Variants in WDR45B observed in about 807,000 individuals in gnomAD.
The protein encoded by WDR45B is WD repeat domain phosphoinositide-interacting protein 3.
Under a neutral mutation model 44.6 loss-of-function variants are expected in WDR45B, and 20 were observed. That is an observed-to-expected ratio of 0.45 (90% CI 0.32 to 0.65). WDR45B has a LOEUF of 0.65. Ranked by LOEUF, WDR45B falls within the 30% of genes least tolerant of loss-of-function variation. The pLI is 0.05. For missense variants in WDR45B, 323 were observed against 430.2 expected (o/e 0.75, Z 2.20); for synonymous variants, 169 against 164.9 (o/e 1.02, Z -0.19).
At chr17:82,637,209 C>T (rs1035581167) in intron 2 of WDR45B, among the ~76,000 whole-genome samples, 2 of 151,914 alleles carry the variant, frequency 1.3e-5, no homozygotes, top group Non-Finnish European at 2.9e-5. Context: ...AGGATGTCAG[C>T]GTCTACATCT....
chr17:82,624,819 C>G (rs992939097), intron 5 of WDR45B, among the ~76,000 whole-genome samples: 1 of 150,336 alleles, frequency 6.7e-6, no homozygotes, highest in African/African-American at 2.5e-5. Flanking sequence ...AGGGTTTCAC[C>G]GTGTTAGCCA....
chr17:82,632,176 T>C (rs1319800095), intron 2 of WDR45B, among the ~76,000 whole-genome samples: 1 of 152,114 alleles, frequency 6.6e-6, no homozygotes, highest in African/African-American at 2.4e-5. Context: ...TCCTTTTTTT[T>C]TAAGAAACAG....
intron 2 of WDR45B, among the ~76,000 whole-genome samples, chr17:82,634,122 G>A (rs2045803332): frequency 1.8e-5 from 2 of 113,994 alleles, no homozygotes; most frequent in African/African-American, 3.5e-5. Flanking sequence ...CTGCACGCCA[G>A]CCTGGGTGAC....
chr17:82,643,077 A>G (rs1426912503), intron 2 of WDR45B, among the ~76,000 whole-genome samples: 2 of 152,182 alleles, frequency 1.3e-5, no homozygotes, highest in African/African-American at 2.4e-5. Context: ...TGTCTTACGC[A>G]CCCTGACTCA....
Position 82,625,497 on chromosome 17 carries a change from C to G in WDR45B, c.333-14G>C. On this transcript the variant is annotated splice_polypyrimidine_tract_variant and intron_variant, in intron 4 of 9. Coordinates refer to ENST00000392325, the MANE Select transcript of WDR45B (RefSeq NM_019613.4). ...ACCACCACAATTCTGGAAAGAAAAA[C>G]ATGATCAGAGTTGCTTTCCTCAAGA... 1 of 1,613,620 alleles carries G rather than the reference C, an allele frequency of 6.2e-7. No individual in the cohort carries two copies. Among genetic ancestry groups the G allele is most frequent in the Non-Finnish European group, 8.5e-7 (1 of 1,179,532 alleles).
intron 1 of WDR45B, 35 bp from the exon 2 acceptor site, chr17:82,644,058 A>C: frequency 6.2e-7 from 1 of 1,607,640 alleles, no homozygotes; most frequent in Non-Finnish European, 8.5e-7. Flanking sequence ...ATTAATCCCC[A>C]GGCCTGGAGT....
At chr17:82,617,615 A>T in intron 7 of WDR45B, 1 of 583,438 alleles carries the variant, frequency 1.7e-6, no homozygotes. Flanking sequence ...GTATCACGGC[A>T]AGTTTTCCTT....
rs1222364539 is a variant in WDR45B, at chr17:82,644,061, C to T, written c.68-38G>A. On this transcript the variant is annotated intron_variant, in intron 1 of 9. Transcript: ENST00000392325. The stretch of plus-strand genomic sequence containing the variant: ...TGTAAAAGAGACATTAATCCCCAGG[C>T]CTGGAGTGGTTAAAAGAAAGAGGTC... 3.1e-6 allele frequency: 5 copies of T among 1,605,374 alleles called. No individual in the cohort carries two copies. In the East Asian group the frequency reaches 8.9e-5, roughly 29 times the overall value.
rs768024248 is a variant in WDR45B, at chr17:82,621,778, T to C, written c.449A>G (p.Asn150Ser). 3.7e-6 allele frequency: 6 copies of C among 1,613,994 alleles called. No individual in the cohort carries two copies. The East Asian group carries it at 6.7e-5, about 18-fold the overall frequency. ...AAAGGCCAGGAGGGAGTTGTTACTA[T>C]TGGGACAAAGGACACAGAGGCCTGC... ...NPKGLCVLCP[N>S]SNNSLLAFPG... The change falls in exon 6 of 10, where the codon AAT (asparagine) becomes AGT (serine). Residue 150 changes from asparagine to serine, a missense_variant. Coordinates refer to ENST00000392325, the MANE Select transcript of WDR45B (RefSeq NM_019613.4).
rs386386786 is a variant in WDR45B at position 82,631,277 on chromosome 17, A to ATTTT, written c.143-259_143-256dup. On this transcript the variant is annotated intron_variant, in intron 2 of 9. Coordinates refer to ENST00000392325, the MANE Select transcript of WDR45B (RefSeq NM_019613.4). ...CCAAGTAGCTGGGAATACAGGACTC[A>ATTTT]TTTTTTTTTTTTTTTTTTTTTTTTG... is the stretch of plus-strand genomic sequence containing the variant. 9.1e-3 allele frequency among the ~76,000 whole-genome samples: 787 copies of ATTTT among 86,830 alleles called. 19 individuals are homozygous for ATTTT. Among genetic ancestry groups the ATTTT allele is most frequent in the South Asian group, 0.019 (42 of 2,232 alleles). The allele number at this position is 86,830 out of a possible 152,430, so 57.0% of individuals were successfully genotyped here. A position where few individuals can be genotyped will look rare whatever the true frequency, so the allele number is the denominator to read the frequency against.
chr17:82,622,722 ATT>A (rs79050085), intron 5 of WDR45B, among the ~76,000 whole-genome samples: 2 of 146,566 alleles, frequency 1.4e-5, no homozygotes, highest in African/African-American at 5.0e-5. Flanking sequence ...ATGACCAAAA[ATT>A]TTTTTTTTTT....
Position 82,617,514 on chromosome 17 carries a change from C to T in WDR45B, c.705-117G>A, listed in dbSNP as rs983553599. 5 of 991,466 alleles carry T rather than the reference C, an allele frequency of 5.0e-6. No homozygotes were observed. In the Admixed American group the frequency reaches 9.9e-5, roughly 20 times the overall value. The allele number at this position is 991,466 out of a possible 1,614,324, so 61.4% of individuals were successfully genotyped here. Reference sequence around the variant, plus strand: ...CTCAACATTCCCACTCTGGAGGTGCCAATTCTGAATACTGCCCTTTCTTTA... The same window carrying T: ...CTCAACATTCCCACTCTGGAGGTGCTAATTCTGAATACTGCCCTTTCTTTA... On this transcript the variant is annotated intron_variant, in intron 7 of 9. Transcript: ENST00000392325.
rs1333289733 is a variant in WDR45B at position 82,614,871 on chromosome 17, A to G, written c.*1048T>C. 6.6e-6 allele frequency: 1 copy of G among 152,236 alleles called. No individual in the cohort carries two copies. Among genetic ancestry groups the G allele is most frequent in the Non-Finnish European group, 1.5e-5 (1 of 68,046 alleles). 9.4% of individuals were successfully genotyped at this position (152,236 alleles called of 1,614,324 possible). On this transcript the variant is annotated 3_prime_UTR_variant, in exon 10 of 10. Coordinates refer to ENST00000392325, the MANE Select transcript of WDR45B (RefSeq NM_019613.4). ...CCAAGTAGCTGACAATGTAGAGCCC[A>G]TAACCTAGTTACCAAATGTTAAAAA...
rs779661551 is a variant in WDR45B, at chr17:82,646,488, C to CAAAAAAAAAAAAAAAAAAAAA, written c.67+1765_67+1785dup. On this transcript the variant is annotated intron_variant, in intron 1 of 9. Coordinates refer to ENST00000392325, the MANE Select transcript of WDR45B (RefSeq NM_019613.4). ...GGCAACAAGAGCGAAAACTCCGTCT[C>CAAAAAAAAAAAAAAAAAAAAA]AAAAAAAAAAAAAAAAAAAAAAAAC... 3.0e-4 allele frequency among the ~76,000 whole-genome samples: 6 copies of CAAAAAAAAAAAAAAAAAAAAA among 19,934 alleles called. 1 individual carries two copies. The highest frequency in any genetic ancestry group is 1.4e-3 in the Admixed American group (2 of 1,434). The allele number at this position is 19,934 out of a possible 152,430, so 13.1% of individuals were successfully genotyped here.
chr17:82,643,308 C>T (rs181994506), intron 2 of WDR45B, among the ~76,000 whole-genome samples: 14 of 152,266 alleles, frequency 9.2e-5, no homozygotes, highest in Middle Eastern at 6.8e-3. Flanking sequence ...TGGTGGGTGC[C>T]TGTAATCCCA....
chr17:82,621,504 TG>T, intron 6 of WDR45B, 104 bp downstream of exon 6: 1 of 1,479,438 alleles, frequency 6.8e-7, no homozygotes. Context: ...GGCTCCAGGT[TG>T]GGGCAGGCCC....
rs1369406115 is a variant in WDR45B, at chr17:82,621,640, T to C, written c.587A>G (p.Gln196Arg). ...GVLSCIALNL[Q>R]GTRIATASEK... ...GGATGCAGTTGCAATTCTTGTTCCC[T>C]GCAGGTTGAGTGCAATGCAGCTCAG... The change falls in exon 6 of 10, where the codon CAG (glutamine) becomes CGG (arginine). Residue 196 changes from glutamine (Q) to arginine (R), a missense_variant. Gln to Arg is a conservative substitution (Grantham distance 43). Transcript: ENST00000392325. The C allele has an allele frequency of 3.7e-6, 6 of 1,614,114 alleles. No individual in the cohort carries two copies. Among genetic ancestry groups the C allele is most frequent in the Non-Finnish European group, 5.1e-6 (6 of 1,180,052 alleles).
At position 82,615,614 on chromosome 17, in the gene WDR45B, C is replaced by T. The variant is rs189863129; in HGVS notation, c.*305G>A. ...AGTCCCCAGGTCCGTATGGAGCCCC[C>T]GTCAGTGTGAGGATGCGGCGGAGCC... On this transcript the variant is annotated 3_prime_UTR_variant, in exon 10 of 10. Transcript: ENST00000392325. The T allele has an allele frequency of 2.0e-5, 9 of 446,646 alleles. No individual in the cohort carries two copies. Among genetic ancestry groups the T allele is most frequent in the Admixed American group, 1.0e-4 (3 of 29,006 alleles). The allele number at this position is 446,646 out of a possible 1,614,324, so 27.7% of individuals were successfully genotyped here. A position where few individuals can be genotyped will look rare whatever the true frequency, so the allele number is the denominator to read the frequency against.
At chr17:82,646,067 G>A (rs1213445954) in intron 1 of WDR45B, among the ~76,000 whole-genome samples, 1 of 151,496 alleles carries the variant, frequency 6.6e-6, no homozygotes, top group East Asian at 1.9e-4. Context: ...GTTGCAGTGA[G>A]CTGAGATCAC....
Sources: gnomAD v4.1 joint callset for allele counts (sites outside exome capture counted in the v4.1 genomes callset) on GRCh38, gnomAD v4.1.1 for gene constraint, MANE v1.5 for transcripts, NCBI Gene and HGNC (gene_info 2026-07-23, HGNC 2026-07-21) for gene names.